Variants in ZNG1F observed in about 807,000 individuals in gnomAD.
ZNG1F encodes zinc-regulated GTPase metalloprotein activator 1F.
At chr9:41,139,509 GA>G in the ZNG1F span, among the ~76,000 whole-genome samples, 1 of 148,994 alleles carries the variant, frequency 6.7e-6, no homozygotes, top group Non-Finnish European at 1.5e-5. Flanking sequence ...GTATGGAAAG[GA>G]ACAGGTGATG....
At chr9:41,139,558 A>T in the ZNG1F span, among the ~76,000 whole-genome samples, 1 of 149,800 alleles carries the variant, frequency 6.7e-6, no homozygotes, top group Non-Finnish European at 1.5e-5. Context: ...TGAGATATTT[A>T]ATCTCCACTG....
the ZNG1F span, among the ~76,000 whole-genome samples, chr9:41,155,519 G>T: frequency 7.5e-6 from 1 of 133,240 alleles, no homozygotes; most frequent in African/African-American, 2.9e-5. Context: ...ATACCCTAAA[G>T]GACTATATGC....
At chr9:41,155,062 C>G in the ZNG1F span, among the ~76,000 whole-genome samples, 1 of 150,614 alleles carries the variant, frequency 6.6e-6, no homozygotes, top group Non-Finnish European at 1.5e-5. Flanking sequence ...TCAGAGTGAA[C>G]AGGCAACCTA....
the ZNG1F span, among the ~76,000 whole-genome samples, chr9:41,169,031 GA>G: frequency 7.7e-6 from 1 of 130,700 alleles, no homozygotes; most frequent in South Asian, 2.6e-4. Context: ...CCCCAAATGA[GA>G]GCCTGCCAAT....
At chr9:41,193,447 C>T in the ZNG1F span, among the ~76,000 whole-genome samples, 19 of 127,258 alleles carry the variant, frequency 1.5e-4, no homozygotes, top group African/African-American at 5.0e-4. Context: ...TCATGCTAAG[C>T]ACCACAAAAT....
chr9:41,164,773 C>A, the ZNG1F span: 1 of 293,638 alleles, frequency 3.4e-6, no homozygotes, highest in East Asian at 5.0e-5. Context: ...TGCGAAGACC[C>A]TGAATATCAG....
the ZNG1F span, chr9:41,171,745 T>A: frequency 1.4e-6 from 1 of 734,400 alleles, no homozygotes; most frequent in South Asian, 1.9e-5. Context: ...AGTGAGACTC[T>A]GTCTCAAAAA....
At chr9:41,169,744 C>T in the ZNG1F span, among the ~76,000 whole-genome samples, 3 of 147,194 alleles carry the variant, frequency 2.0e-5, no homozygotes, top group Non-Finnish European at 4.5e-5. Context: ...ACCACCCCCT[C>T]TCAAAAAAAT....
the ZNG1F span, among the ~76,000 whole-genome samples, chr9:41,184,566 CT>C: frequency 6.7e-6 from 1 of 149,284 alleles, no homozygotes; most frequent in Non-Finnish European, 1.5e-5. Flanking sequence ...TACTTTTCCC[CT>C]AATAAAGAAA....
chr9:41,195,589 G>A, the ZNG1F span, among the ~76,000 whole-genome samples: 1 of 144,256 alleles, frequency 6.9e-6, no homozygotes, highest in Non-Finnish European at 1.5e-5. Context: ...AAGTCAGCTT[G>A]CCATGAAATT....
At chr9:41,169,861 T>C in the ZNG1F span, among the ~76,000 whole-genome samples, 9 of 143,584 alleles carry the variant, frequency 6.3e-5, no homozygotes, top group East Asian at 1.8e-3. Context: ...AGCTGGGGGG[T>C]TAGAGAGAGA....
the ZNG1F span, chr9:41,159,008 G>T: frequency 4.1e-5 from 6 of 146,972 alleles, no homozygotes; most frequent in African/African-American, 1.5e-4. Flanking sequence ...TATTCCAGAA[G>T]TACCTAATGT....
the ZNG1F span, chr9:41,134,150 A>G: frequency 1.2e-5 from 2 of 169,078 alleles, no homozygotes; most frequent in South Asian, 3.0e-4. Context: ...TCTTCACAAC[A>G]ATCCTGGGGA....
the ZNG1F span, among the ~76,000 whole-genome samples, chr9:41,137,598 GCTGT>G: frequency 5.3e-5 from 6 of 113,908 alleles, no homozygotes; most frequent in Non-Finnish European, 9.0e-5. Context: ...TTATTGTGTT[GCTGT>G]CTGTCTAATT....
At chr9:41,200,834 A>T in the ZNG1F span, among the ~76,000 whole-genome samples, 292 of 150,172 alleles carry the variant, frequency 1.9e-3, no homozygotes, top group African/African-American at 6.9e-3. Context: ...AAACCATCAG[A>T]TCTTGTGAGA....
At chr9:41,165,142 G>A in the ZNG1F span, 2 of 1,421,854 alleles carry the variant, frequency 1.4e-6, no homozygotes, top group Non-Finnish European at 9.5e-7. Context: ...ATACACGCAT[G>A]CAGATTAATA....
the ZNG1F span, chr9:41,132,128 A>G: frequency 6.5e-7 from 1 of 1,547,740 alleles, no homozygotes; most frequent in African/African-American, 1.4e-5. Flanking sequence ...TTTAGTTTTA[A>G]AAGAGGACCT....
At chr9:41,193,838 G>A in the ZNG1F span, among the ~76,000 whole-genome samples, 1 of 150,680 alleles carries the variant, frequency 6.6e-6, no homozygotes, top group Admixed American at 6.7e-5. Flanking sequence ...AGGTGAGGTT[G>A]CAGTGAGCCA....
the ZNG1F span, among the ~76,000 whole-genome samples, chr9:41,169,184 G>A: frequency 5.3e-5 from 8 of 151,302 alleles, no homozygotes; most frequent in Admixed American, 6.6e-5. Flanking sequence ...TTAGACATCA[G>A]CCCTGCATTT....
Sources: allele counts gnomAD v4.1 joint callset (sites outside exome capture counted in the v4.1 genomes callset), GRCh38; gene constraint gnomAD v4.1.1; transcripts MANE v1.5; gene names NCBI Gene and HGNC (gene_info 2026-07-23, HGNC 2026-07-21).